Variants in LHFPL1 observed in about 807,000 individuals in gnomAD.
LHFPL1 encodes the protein LHFPL tetraspan subfamily member 1 protein.
Under a neutral mutation model 12.1 loss-of-function variants are expected in LHFPL1, and 4 were observed. The ratio of observed to expected loss-of-function variants is 0.33; its 90% CI spans 0.16 to 0.76. The LOEUF (loss-of-function observed/expected upper bound fraction) is 0.76. LHFPL1 is among the 30% of genes least tolerant of loss of function. LHFPL1 has a pLI of 0.61. For missense variants in LHFPL1, 141 were observed against 174.1 expected (o/e 0.81, Z 1.07); for synonymous variants, 52 against 61.9 (o/e 0.84, Z 0.75).
chrX:112,669,842 G>A (rs1262082308), intron 2 of LHFPL1, among the ~76,000 whole-genome samples: 3 of 111,341 alleles, frequency 2.7e-5, no homozygotes, highest in Non-Finnish European at 5.7e-5. Flanking sequence ...CAGGGGGGAG[G>A]GGCATGCAAA....
Position 112,660,507 on chromosome X carries a change from G to C in LHFPL1, c.481+120C>G, listed in dbSNP as rs1031279722. 21 of 558,380 alleles carry C rather than the reference G, an allele frequency of 3.8e-5. No individual in the cohort carries two copies. The East Asian group carries it at 7.0e-4, about 19-fold the overall frequency. The allele number at this position is 558,380 out of a possible 1,213,427, so 46.0% of individuals were successfully genotyped here. On this transcript the variant is annotated intron_variant, in intron 3 of 3. Coordinates refer to ENST00000371968, the MANE Select transcript of LHFPL1 (RefSeq NM_178175.4). ...TGAGTTAAGCTACCACTTCCCATAAGCTAACACAGTGAGAGAGATTCAGGC... is the reference window on the plus strand; with the variant it reads ...TGAGTTAAGCTACCACTTCCCATAACCTAACACAGTGAGAGAGATTCAGGC...
intron 3 of LHFPL1, among the ~76,000 whole-genome samples, chrX:112,657,354 T>C (rs145969316): frequency 0.031 from 3,482 of 111,878 alleles, 54 homozygotes; most frequent in Non-Finnish European, 0.049. Context: ...ATTATTAAGG[T>C]AGCAATACTC....
chrX:112,649,757 T>A (rs2147709231), intron 3 of LHFPL1, among the ~76,000 whole-genome samples: 1 of 111,835 alleles, frequency 8.9e-6, no homozygotes, highest in Non-Finnish European at 1.9e-5. Flanking sequence ...GCCAGAATGA[T>A]TTTGTTATTT....
intron 2 of LHFPL1, among the ~76,000 whole-genome samples, chrX:112,665,380 G>A (rs1318156879): frequency 9.0e-6 from 1 of 110,864 alleles, no homozygotes; most frequent in African/African-American, 3.3e-5. Flanking sequence ...TAGTAGAGAC[G>A]GGGTTTCACC....
At chrX:112,650,233 CTT>C (rs1220283693) in intron 3 of LHFPL1, among the ~76,000 whole-genome samples, 4 of 111,209 alleles carry the variant, frequency 3.6e-5, no homozygotes, top group African/African-American at 6.5e-5. Context: ...TTCTCAGAGA[CTT>C]TGCTTTTTTG....
intron 3 of LHFPL1, among the ~76,000 whole-genome samples, chrX:112,660,178 G>A (rs754490230): frequency 5.3e-5 from 6 of 112,258 alleles, no homozygotes; most frequent in Admixed American, 2.8e-4. Context: ...AGCTCTTGCC[G>A]TTAGAAACAA....
rs1041308241 is a variant in LHFPL1 at position 112,655,827 on chromosome X, C to T, written c.481+4800G>A. Reference sequence around the variant, plus strand: ...CAAGTGATCCATCCACCTCAGATTCCAAAAGTGCTGGGATTACAAGCATGA... The same window carrying T: ...CAAGTGATCCATCCACCTCAGATTCTAAAAGTGCTGGGATTACAAGCATGA... On this transcript the variant is annotated intron_variant, in intron 3 of 3. Coordinates refer to ENST00000371968, the MANE Select transcript of LHFPL1 (RefSeq NM_178175.4). Among the ~76,000 whole-genome samples the T allele has an allele frequency of 3.6e-5, 4 of 111,529 alleles. No homozygotes were observed. The Admixed American group carries it at 3.8e-4, about 11-fold the overall frequency.
At chrX:112,657,218 T>C (rs761632114) in intron 3 of LHFPL1, among the ~76,000 whole-genome samples, 5 of 112,324 alleles carry the variant, frequency 4.5e-5, no homozygotes, top group Non-Finnish European at 9.4e-5. Flanking sequence ...AAAATACTTA[T>C]GAACAAATTT....
chrX:112,641,338 T>G (rs1465101798), intron 3 of LHFPL1, among the ~76,000 whole-genome samples: 1 of 112,037 alleles, frequency 8.9e-6, no homozygotes, highest in Non-Finnish European at 1.9e-5. Context: ...GCAGGAATTA[T>G]TATAGAGGAA....
At chrX:112,634,373 C>A (rs1337002327) in intron 3 of LHFPL1, among the ~76,000 whole-genome samples, 1 of 111,374 alleles carries the variant, frequency 9.0e-6, no homozygotes, top group Non-Finnish European at 1.9e-5. Flanking sequence ...CAACAAAAAT[C>A]TCCTGTAGTC....
intron 3 of LHFPL1, among the ~76,000 whole-genome samples, chrX:112,645,937 C>G (rs1481714773): frequency 9.0e-6 from 1 of 111,304 alleles, no homozygotes; most frequent in African/African-American, 3.3e-5. Flanking sequence ...TGCCATTAAG[C>G]AGCATCTACC....
intron 3 of LHFPL1, among the ~76,000 whole-genome samples, chrX:112,655,469 T>C (rs1930970197): frequency 8.9e-6 from 1 of 112,006 alleles, no homozygotes; most frequent in African/African-American, 3.2e-5. Context: ...TAAGAAAAGA[T>C]AGGTTGAAGA....
intron 3 of LHFPL1, among the ~76,000 whole-genome samples, chrX:112,639,642 T>C (rs1207862023): frequency 1.8e-5 from 2 of 112,402 alleles, no homozygotes; most frequent in Admixed American, 9.4e-5. Context: ...CTCGCCACTA[T>C]TGAGCATTAG....
chrX:112,665,458 T>C (rs990105692), intron 2 of LHFPL1, among the ~76,000 whole-genome samples: 1 of 112,002 alleles, frequency 8.9e-6, no homozygotes, highest in Admixed American at 9.4e-5. Flanking sequence ...CCCAAAGTGC[T>C]AGGATTACAG....
intron 3 of LHFPL1, among the ~76,000 whole-genome samples, chrX:112,646,515 T>C (rs1476255296): frequency 9.0e-6 from 1 of 110,521 alleles, no homozygotes; most frequent in Admixed American, 9.7e-5. Context: ...TATATAATCT[T>C]AGAACATGTG....
At position 112,631,499 on chromosome X, in the gene LHFPL1, T is replaced by G; in HGVS notation, c.584A>C (p.Lys195Thr). The G allele has an allele frequency of 8.3e-7, 1 of 1,210,431 alleles. No homozygotes were observed. The highest frequency in any genetic ancestry group is 2.2e-5 in the Admixed American group (1 of 45,981). Reference sequence around the variant, plus strand: ...GATGCTCTCCACCAATATGACAGGCTTGGGGTTTCTTCCAGCAAAGCAAGA... The same window carrying G: ...GATGCTCTCCACCAATATGACAGGCGTGGGGTTTCTTCCAGCAAAGCAAGA... Reference protein sequence around the residue: ...WLSCFAGRNPKPVILVESIMR... With the variant: ...WLSCFAGRNPTPVILVESIMR... Residue 195 changes from lysine to threonine, a missense_variant, in exon 4 of 4, where the codon AAG becomes ACG. Physicochemically the swap from Lys to Thr is moderately conservative, Grantham distance 78. Coordinates refer to ENST00000371968, the MANE Select transcript of LHFPL1 (RefSeq NM_178175.4).
At chrX:112,649,978 G>GA (rs35226600) in intron 3 of LHFPL1, among the ~76,000 whole-genome samples, 104 of 80,618 alleles carry the variant, frequency 1.3e-3, no homozygotes, top group Middle Eastern at 5.9e-3. Context: ...AGTTTTTTGT[G>GA]AAAAAAAAAA....
intron 1 of LHFPL1, among the ~76,000 whole-genome samples, chrX:112,671,648 C>T (rs768462487): frequency 8.9e-6 from 1 of 112,012 alleles, no homozygotes; most frequent in South Asian, 3.7e-4. Context: ...GGTCTTTAGG[C>T]TGCAATGGAG....
intron 3 of LHFPL1, among the ~76,000 whole-genome samples, chrX:112,646,494 T>C (rs1273996634): frequency 9.1e-6 from 1 of 110,012 alleles, no homozygotes; most frequent in Non-Finnish European, 1.9e-5. Context: ...AGAGAGGCCC[T>C]AGATAAACTG....
Sources: allele counts gnomAD v4.1 joint callset (sites outside exome capture counted in the v4.1 genomes callset), GRCh38; gene constraint gnomAD v4.1.1; transcripts MANE v1.5; gene names NCBI Gene and HGNC (gene_info 2026-07-23, HGNC 2026-07-21).